The following CPNE8 variants were observed in gnomAD, a reference collection of about 807,000 sequenced individuals.
CPNE8 encodes the protein copine-8.
In CPNE8, 45 loss-of-function variants were observed where a neutral mutation model predicts 81.5. That is an observed-to-expected ratio of 0.55 (90% CI 0.44 to 0.71). The LOEUF (loss-of-function observed/expected upper bound fraction) is 0.71. CPNE8 is among the 30% of genes least tolerant of loss of function. The pLI is 0.00. For synonymous variants in CPNE8, 252 were observed against 226.3 expected, an observed-to-expected ratio of 1.11 and a Z score of -1.02; for missense variants, 594 against 672.1, an observed-to-expected ratio of 0.88 and a Z score of 1.28.
At chr12:38,902,463 T>C (rs11169930) in intron 1 of CPNE8, among the ~76,000 whole-genome samples, 5 of 151,178 alleles carry the variant, frequency 3.3e-5, no homozygotes, top group Admixed American at 3.3e-4. Context: ...AGATAAAGAA[T>C]GAGAAAGAAA....
intron 10 of CPNE8, among the ~76,000 whole-genome samples, chr12:38,759,517 C>T (rs766990195): frequency 7.2e-5 from 11 of 152,164 alleles, no homozygotes; most frequent in Middle Eastern, 3.4e-3. Flanking sequence ...CAAATGAATA[C>T]CTGGCAGAAA....
At chr12:38,721,378 T>C (rs1022890844) in intron 13 of CPNE8, among the ~76,000 whole-genome samples, 1 of 151,922 alleles carries the variant, frequency 6.6e-6, no homozygotes, top group African/African-American at 2.4e-5. Flanking sequence ...TCTGGGAAGA[T>C]GATAGGACAA....
At chr12:38,894,052 A>T (rs1044690585) in intron 1 of CPNE8, among the ~76,000 whole-genome samples, 18 of 152,124 alleles carry the variant, frequency 1.2e-4, no homozygotes, top group Non-Finnish European at 2.9e-5. Context: ...TAAAATTATG[A>T]ACCTCCAAGT....
In CPNE8 at chr12:38,728,795, C is replaced by A. The variant is rs562599640; in HGVS notation, c.798+1488G>T. 5.9e-5 allele frequency among the ~76,000 whole-genome samples: 9 copies of A among 152,202 alleles called. No individual in the cohort carries two copies. In the South Asian group the frequency reaches 1.9e-3, roughly 32 times the overall value. ...ATAATAAAGTTTGTAATGTATTGGA[C>A]CCAAGATTGTCCATTGAACTCCTAA... On this transcript the variant is annotated intron_variant, in intron 11 of 19. Coordinates refer to ENST00000331366, the MANE Select transcript of CPNE8 (RefSeq NM_153634.3).
At chr12:38,766,020 A>G (rs1941679836) in intron 8 of CPNE8, among the ~76,000 whole-genome samples, 1 of 151,960 alleles carries the variant, frequency 6.6e-6, no homozygotes, top group Non-Finnish European at 1.5e-5. Flanking sequence ...CACCACGCCC[A>G]GCTAATTTTT....
intron 16 of CPNE8, among the ~76,000 whole-genome samples, chr12:38,683,520 A>G (rs1470894909): frequency 6.6e-6 from 1 of 152,154 alleles, no homozygotes; most frequent in Non-Finnish European, 1.5e-5. Flanking sequence ...CTCTTAATAG[A>G]GAAAAAAATA....
intron 10 of CPNE8, among the ~76,000 whole-genome samples, chr12:38,758,047 A>G (rs1361163581): frequency 6.6e-6 from 1 of 152,144 alleles, no homozygotes; most frequent in Non-Finnish European, 1.5e-5. Flanking sequence ...CAATATCTAA[A>G]TAGTTTCTTT....
chr12:38,848,025 T>C (rs1056552734), intron 4 of CPNE8, among the ~76,000 whole-genome samples: 7 of 152,196 alleles, frequency 4.6e-5, no homozygotes, highest in Non-Finnish European at 8.8e-5. Flanking sequence ...CTCTAGGTTC[T>C]CTGTGGACAG....
intron 10 of CPNE8, among the ~76,000 whole-genome samples, chr12:38,746,196 A>T (rs929469046): frequency 7.9e-5 from 12 of 152,228 alleles, no homozygotes; most frequent in Non-Finnish European, 1.3e-4. Flanking sequence ...AATATTAAAA[A>T]AAAACCCTTT....
At chr12:38,692,439 C>A (rs774895690) in intron 15 of CPNE8, among the ~76,000 whole-genome samples, 1 of 152,200 alleles carries the variant, frequency 6.6e-6, no homozygotes, top group East Asian at 1.9e-4. Flanking sequence ...TATATAATTA[C>A]CAGTTGAGCC....
intron 10 of CPNE8, among the ~76,000 whole-genome samples, chr12:38,760,445 ATATATATG>A (rs1346851552): frequency 7.2e-6 from 1 of 139,336 alleles, no homozygotes; most frequent in African/African-American, 2.7e-5. Flanking sequence ...GTATATATAT[ATATATATG>A]TGTGTGTATA....
At chr12:38,902,260 G>A (rs868776138) in intron 1 of CPNE8, among the ~76,000 whole-genome samples, 7 of 45,192 alleles carry the variant, frequency 1.5e-4, no homozygotes, top group South Asian at 5.2e-4. Context: ...AAAGAAAAAA[G>A]AAAGAAAGAA....
chr12:38,879,629 T>A (rs1254495762), intron 1 of CPNE8, among the ~76,000 whole-genome samples: 2 of 152,268 alleles, frequency 1.3e-5, no homozygotes, highest in Admixed American at 6.5e-5. Flanking sequence ...TCTTTCCTGC[T>A]CAGCAGATAA....
At chr12:38,704,864 T>TATA (rs1940064957) in intron 13 of CPNE8, among the ~76,000 whole-genome samples, 2 of 73,834 alleles carry the variant, frequency 2.7e-5, no homozygotes, top group African/African-American at 1.1e-4. Context: ...ATATATATAT[T>TATA]TAAATTTCGG....
At chr12:38,755,700 A>G (rs1239766119) in intron 10 of CPNE8, among the ~76,000 whole-genome samples, 1 of 152,210 alleles carries the variant, frequency 6.6e-6, no homozygotes, top group Non-Finnish European at 1.5e-5. Context: ...ACCAATGTCA[A>G]GCAATGCCTC....
chr12:38,782,074 A>G (rs1242594996), intron 6 of CPNE8, among the ~76,000 whole-genome samples: 2 of 152,146 alleles, frequency 1.3e-5, no homozygotes, highest in Non-Finnish European at 2.9e-5. Flanking sequence ...TATATGTACC[A>G]CTGTTGTCTT....
intron 14 of CPNE8, among the ~76,000 whole-genome samples, chr12:38,697,210 CTTTT>C (rs1179728526): frequency 6.6e-6 from 1 of 152,138 alleles, no homozygotes; most frequent in South Asian, 2.1e-4. Context: ...CACTAATCGT[CTTTT>C]TGTCTCCATT....
chr12:38,682,982 G>A (rs1228766098), intron 16 of CPNE8, among the ~76,000 whole-genome samples: 2 of 152,110 alleles, frequency 1.3e-5, no homozygotes, highest in African/African-American at 4.8e-5. Flanking sequence ...ACTGGAAAAG[G>A]AGGACTGGAA....
intron 10 of CPNE8, among the ~76,000 whole-genome samples, chr12:38,735,069 T>G (rs1375820513): frequency 6.6e-6 from 1 of 152,108 alleles, no homozygotes; most frequent in African/African-American, 2.4e-5. Context: ...ATTTGGATGC[T>G]GAAGGGATTT....
Sources: gnomAD v4.1 joint callset for allele counts (sites outside exome capture counted in the v4.1 genomes callset) on GRCh38, gnomAD v4.1.1 for gene constraint, MANE v1.5 for transcripts, NCBI Gene and HGNC (gene_info 2026-07-23, HGNC 2026-07-21) for gene names.